The following PCDHGA8 variants were observed in gnomAD, a reference collection of about 807,000 sequenced individuals.
PCDHGA8 encodes the protein protocadherin gamma subfamily A, 8, also known as protocadherin gamma-A8.
In PCDHGA8, 45 loss-of-function variants were observed where a neutral mutation model predicts 59.2. The observed-to-expected ratio is 0.76, with a 90% CI of 0.60 to 0.98. The LOEUF (loss-of-function observed/expected upper bound fraction) is 0.98, where lower values mean the gene tolerates loss of function less well. Among genes scored for constraint, PCDHGA8 ranks in the 50% least tolerant of loss-of-function variants. PCDHGA8 has a pLI of 0.00. For synonymous variants in PCDHGA8, 531 were observed against 519.0 expected (o/e 1.02, Z -0.32); for missense variants, 1,257 against 1,196.2 (o/e 1.05, Z -0.75).
rs1421246315 is a variant in PCDHGA8 at position 141,491,880 on chromosome 5, G to A, written c.2425-2927G>A. The A allele has an allele frequency of 1.1e-5, 16 of 1,449,714 alleles. No homozygotes were observed. The highest frequency in any genetic ancestry group is 1.5e-5 in the Non-Finnish European group (16 of 1,096,892). 89.8% of individuals were successfully genotyped at this position (1,449,714 alleles called of 1,614,324 possible). A position where few individuals can be genotyped will look rare whatever the true frequency, so the allele number is the denominator to read the frequency against. ...GCGAAACCAGAGTGGCCGATTAAGGGATGGGGCTCCGAGCACCGGGGGTGG... is the reference window on the plus strand; with the variant it reads ...GCGAAACCAGAGTGGCCGATTAAGGAATGGGGCTCCGAGCACCGGGGGTGG... On this transcript the variant is annotated intron_variant, in intron 1 of 3. Coordinates refer to ENST00000398604, the MANE Select transcript of PCDHGA8 (RefSeq NM_032088.2). The surrounding 1 kb of genome is among the most constrained non-coding windows in gnomAD (Gnocchi z 6.9).
At chr5:141,395,727 T>G (rs895493332) in intron 1 of PCDHGA8, 1 of 153,998 alleles carries the variant, frequency 6.5e-6, no homozygotes, top group Non-Finnish European at 1.4e-5. Flanking sequence ...TGTAGATTTC[T>G]TCACTTTAAA....
intron 3 of PCDHGA8, among the ~76,000 whole-genome samples, chr5:141,507,856 A>T (rs1200072170): frequency 1.3e-5 from 2 of 151,926 alleles, no homozygotes; most frequent in Non-Finnish European, 2.9e-5. Flanking sequence ...TCTCACTTTC[A>T]CACCCGCTTC....
intron 1 of PCDHGA8, chr5:141,430,740 A>C (rs1485485180): frequency 5.3e-6 from 8 of 1,497,664 alleles, no homozygotes; most frequent in Non-Finnish European, 7.1e-6. Context: ...AATTGAAAAT[A>C]ATTCTGGAGG....
chr5:141,495,642 C>T (rs1294293252), intron 2 of PCDHGA8, among the ~76,000 whole-genome samples: 1 of 152,208 alleles, frequency 6.6e-6, no homozygotes. Flanking sequence ...TTTCATTTGT[C>T]TACTTGCATT....
In PCDHGA8 at chr5:141,487,237, T is replaced by A. The variant is rs1327004790; in HGVS notation, c.2425-7570T>A. 1.2e-6 allele frequency: 2 copies of A among 1,614,122 alleles called. No individual in the cohort carries two copies. The highest frequency in any genetic ancestry group is 1.7e-6 in the Non-Finnish European group (2 of 1,179,980). On this transcript the variant is annotated intron_variant, in intron 1 of 3. Coordinates refer to ENST00000398604, the MANE Select transcript of PCDHGA8 (RefSeq NM_032088.2). This position sits in a 1 kb window ranked among gnomAD's most constrained non-coding sequence, Gnocchi z 5.0. ...CAGCTCCAAGGGAAGGAGAATCTCGTCTAACCCTCTACTTGGCTGTGTCCC... is the reference window on the plus strand; with the variant it reads ...CAGCTCCAAGGGAAGGAGAATCTCGACTAACCCTCTACTTGGCTGTGTCCC...
chr5:141,408,526 T>C, intron 1 of PCDHGA8: 3 of 1,614,028 alleles, frequency 1.9e-6, no homozygotes, highest in Non-Finnish European at 2.5e-6. Flanking sequence ...AATTGGAAGC[T>C]GTGGTGGAAA....
chr5:141,427,287 A>G (rs1030754713), intron 1 of PCDHGA8: 2 of 456,716 alleles, frequency 4.4e-6, no homozygotes, highest in African/African-American at 4.0e-5. Flanking sequence ...TATACTAGAA[A>G]TCCTAGATGA....
chr5:141,495,424 A>C (rs927637242), intron 2 of PCDHGA8, among the ~76,000 whole-genome samples: 1 of 152,088 alleles, frequency 6.6e-6, no homozygotes, highest in African/African-American at 2.4e-5. Context: ...CCCTCCTCCC[A>C]CTGTCCTCTG....
At chr5:141,433,235 C>T (rs1307904588) in intron 1 of PCDHGA8, 13 of 1,509,616 alleles carry the variant, frequency 8.6e-6, no homozygotes, top group Non-Finnish European at 1.1e-5. Context: ...GCTCTGTCTC[C>T]CAAGCTGGAA....
At chr5:141,434,667 G>A (rs1464226862) in intron 1 of PCDHGA8, among the ~76,000 whole-genome samples, 5 of 151,956 alleles carry the variant, frequency 3.3e-5, no homozygotes, top group African/African-American at 1.2e-4. Context: ...CTATAGAAAT[G>A]ATGCTAATGA....
Position 141,491,763 on chromosome 5 carries a change from T to A in PCDHGA8, c.2425-3044T>A. 1 of 1,570,222 alleles carries A rather than the reference T, an allele frequency of 6.4e-7. No individual in the cohort carries two copies. The highest frequency in any genetic ancestry group is 8.6e-7 in the Non-Finnish European group (1 of 1,159,286). On this transcript the variant is annotated intron_variant, in intron 1 of 3. Transcript: ENST00000398604. This position sits in a 1 kb window ranked among gnomAD's most constrained non-coding sequence, Gnocchi z 6.9. ...GCGGCACTGGAGAAGCCGCCCGTCC[T>A]CATAAGGGATTGAACTTGCATCCAC... is the stretch of plus-strand genomic sequence containing the variant.
At chr5:141,421,278 G>A (rs764787116) in intron 1 of PCDHGA8, 1 of 1,612,872 alleles carries the variant, frequency 6.2e-7, no homozygotes, top group African/African-American at 1.3e-5. Flanking sequence ...TGCTGCTGCT[G>A]TGCATTTTCC....
rs751874380 is a variant in PCDHGA8 at position 141,486,055 on chromosome 5, C to A, written c.2425-8752C>A. ...CTGATCGTGTAAGAAACCTCTTTAG[C>A]CTGCACCCCACTACTGGAAAGCTTA... On this transcript the variant is annotated intron_variant, in intron 1 of 3. Transcript: ENST00000398604. The surrounding 1 kb of genome is among the most constrained non-coding windows in gnomAD (Gnocchi z 5.0). The A allele has an allele frequency of 6.2e-7, 1 of 1,614,170 alleles. No individual in the cohort carries two copies. Among genetic ancestry groups the A allele is most frequent in the South Asian group, 1.1e-5 (1 of 91,072 alleles).
At chr5:141,437,561 C>G (rs1228292384) in intron 1 of PCDHGA8, among the ~76,000 whole-genome samples, 1 of 152,110 alleles carries the variant, frequency 6.6e-6, no homozygotes, top group Non-Finnish European at 1.5e-5. Context: ...TGACATGTAA[C>G]AGAGTATAGC....
chr5:141,481,352 C>T (rs1007066307), intron 1 of PCDHGA8, among the ~76,000 whole-genome samples: 3 of 152,222 alleles, frequency 2.0e-5, no homozygotes, highest in East Asian at 1.9e-4. Flanking sequence ...TAAACATCTA[C>T]AGCTGTTCAA....
At chr5:141,423,797 C>A in intron 1 of PCDHGA8, 2 of 1,249,164 alleles carry the variant, frequency 1.6e-6, no homozygotes, top group African/African-American at 1.6e-5. Flanking sequence ...ATATTTAGAG[C>A]AATACATGTG....
intron 1 of PCDHGA8, chr5:141,403,457 A>G: frequency 6.2e-7 from 1 of 1,613,982 alleles, no homozygotes; most frequent in Non-Finnish European, 8.5e-7. Context: ...CTCCCTCCAG[A>G]GCTACCAGCT....
chr5:141,459,300 A>T (rs954766370), intron 1 of PCDHGA8, among the ~76,000 whole-genome samples: 1 of 152,202 alleles, frequency 6.6e-6, no homozygotes, highest in Non-Finnish European at 1.5e-5. Flanking sequence ...ATCCTATAAC[A>T]TATACTATTT....
chr5:141,429,390 A>ATT (rs1561841316), intron 1 of PCDHGA8, among the ~76,000 whole-genome samples: 8 of 150,216 alleles, frequency 5.3e-5, no homozygotes, highest in African/African-American at 1.7e-4. Flanking sequence ...TTTTTTTTAA[A>ATT]AAAAATTGAG....
Sources: gnomAD v4.1 joint callset for allele counts (sites outside exome capture counted in the v4.1 genomes callset) on GRCh38, gnomAD v4.1.1 for gene constraint, Gnocchi (gnomAD v3.1) non-coding constraint, MANE v1.5 for transcripts, NCBI Gene and HGNC (gene_info 2026-07-23, HGNC 2026-07-21) for gene names.